OXR1: variants seen among roughly 807,000 people sequenced by gnomAD.
OXR1 encodes oxidation resistance 1.
Under a neutral mutation model 104.6 loss-of-function variants are expected in OXR1, and 41 were observed. The observed-to-expected ratio is 0.39, with a 90% CI of 0.31 to 0.51. OXR1 has a LOEUF of 0.51. Among genes scored for constraint, OXR1 ranks in the 20% least tolerant of loss-of-function variants. OXR1 has a pLI of 0.77. For synonymous variants in OXR1, 348 were observed against 348.4 expected (o/e 1.00, Z 0.01); for missense variants, 955 against 1,031.9 (o/e 0.93, Z 1.02).
At chr8:106,406,261 A>G (rs914982974) in intron 2 of OXR1, among the ~76,000 whole-genome samples, 1 of 152,206 alleles carries the variant, frequency 6.6e-6, no homozygotes, top group Non-Finnish European at 1.5e-5. Flanking sequence ...TTGATTCAGA[A>G]ACATGTAAAT....
chr8:106,718,789 A>C (rs555466478), intron 11 of OXR1, among the ~76,000 whole-genome samples: 1 of 151,732 alleles, frequency 6.6e-6, no homozygotes, highest in South Asian at 2.1e-4. Context: ...CAGTGAGCCA[A>C]GATCATGCCA....
intron 1 of OXR1, among the ~76,000 whole-genome samples, chr8:106,333,103 A>T (rs1814790194): frequency 6.6e-6 from 1 of 152,044 alleles, no homozygotes; most frequent in African/African-American, 2.4e-5. Flanking sequence ...TTCTATCAAC[A>T]TTCATGTATA....
At chr8:106,425,575 G>A (rs1489506064) in intron 2 of OXR1, among the ~76,000 whole-genome samples, 1 of 152,118 alleles carries the variant, frequency 6.6e-6, no homozygotes, top group Admixed American at 6.6e-5. Flanking sequence ...CAACGTCTGG[G>A]ATGGTAAAAG....
chr8:106,589,959 GC>G (rs772737482), intron 3 of OXR1, among the ~76,000 whole-genome samples: 1 of 152,132 alleles, frequency 6.6e-6, no homozygotes, highest in Non-Finnish European at 1.5e-5. Context: ...GAACCACCAT[GC>G]CCGGCCAGCT....
chr8:106,413,149 T>A (rs1009920046), intron 2 of OXR1, among the ~76,000 whole-genome samples: 3 of 147,246 alleles, frequency 2.0e-5, no homozygotes, highest in Non-Finnish European at 4.4e-5. Context: ...AAAAAAAAAA[T>A]ATATATAGCA....
intron 2 of OXR1, among the ~76,000 whole-genome samples, chr8:106,441,063 A>G (rs1014854769): frequency 2.0e-5 from 3 of 152,146 alleles, no homozygotes; most frequent in African/African-American, 7.2e-5. Flanking sequence ...TTTTACATTT[A>G]AGTCTTTAAT....
chr8:106,330,879 G>C (rs1041852848), intron 1 of OXR1, among the ~76,000 whole-genome samples: 1 of 152,154 alleles, frequency 6.6e-6, no homozygotes, highest in African/African-American at 2.4e-5. Context: ...TTGTTAATTG[G>C]CAACTTCTTC....
intron 2 of OXR1, among the ~76,000 whole-genome samples, chr8:106,413,428 T>C (rs1209016033): frequency 6.6e-6 from 1 of 152,138 alleles, no homozygotes; most frequent in Non-Finnish European, 1.5e-5. Context: ...TTGAGCTTCT[T>C]CTTAAGACTC....
intron 1 of OXR1, among the ~76,000 whole-genome samples, chr8:106,325,325 A>G (rs181082730): frequency 6.6e-6 from 1 of 152,348 alleles, no homozygotes. Context: ...AATAATCTGC[A>G]TGTGTTCTCC....
chr8:106,582,352 A>G (rs1326506502), intron 3 of OXR1, among the ~76,000 whole-genome samples: 1 of 151,994 alleles, frequency 6.6e-6, no homozygotes, highest in East Asian at 1.9e-4. Flanking sequence ...AGAATAAACT[A>G]AAAACAAAGC....
rs185139388 is a variant in OXR1, at chr8:106,414,886, G to A, written c.23+55250G>A. 3.0e-4 allele frequency among the ~76,000 whole-genome samples: 45 copies of A among 152,222 alleles called. No homozygotes were observed. The East Asian group carries it at 8.3e-3, about 28-fold the overall frequency. On this transcript the variant is annotated intron_variant, in intron 2 of 16. Transcript: ENST00000517566. ...GCTACTGAGGGTTTTGTGTGGAGGA[G>A]CAATATGATTATAGCTGACAGCAGT...
intron 1 of OXR1, among the ~76,000 whole-genome samples, chr8:106,300,525 C>G (rs556164460): frequency 6.6e-6 from 1 of 151,486 alleles, no homozygotes; most frequent in South Asian, 2.1e-4. Flanking sequence ...CTACAGTTAA[C>G]GTGTTTACAA....
chr8:106,618,018 G>C, intron 3 of OXR1: 1 of 1,506,018 alleles, frequency 6.6e-7, no homozygotes, highest in Non-Finnish European at 8.8e-7. Context: ...GCCACCAGGG[G>C]TCAGGGACCG....
At chr8:106,600,591 A>G in intron 3 of OXR1, among the ~76,000 whole-genome samples, 1 of 152,286 alleles carries the variant, frequency 6.6e-6, no homozygotes, top group South Asian at 2.1e-4. Flanking sequence ...GATTGCTCTG[A>G]CCAACAAGGA....
At chr8:106,537,085 G>A (rs1814593161) in intron 3 of OXR1, among the ~76,000 whole-genome samples, 1 of 152,062 alleles carries the variant, frequency 6.6e-6, no homozygotes, top group Non-Finnish European at 1.5e-5. Flanking sequence ...CTGGTTTGCA[G>A]ATGGCCATCT....
chr8:106,283,637 T>C (rs1330370956), intron 1 of OXR1, among the ~76,000 whole-genome samples: 2 of 152,216 alleles, frequency 1.3e-5, no homozygotes, highest in African/African-American at 4.8e-5. Context: ...GGCCTCCCCC[T>C]GAGGAGTAGG....
chr8:106,609,336 G>A (rs1820640759), intron 3 of OXR1, among the ~76,000 whole-genome samples: 2 of 152,088 alleles, frequency 1.3e-5, no homozygotes, highest in Admixed American at 6.6e-5. Context: ...AAGCATCAAA[G>A]CAAGTGCTAT....
At chr8:106,381,176 TAA>T (rs1465090601) in intron 2 of OXR1, among the ~76,000 whole-genome samples, 1 of 152,302 alleles carries the variant, frequency 6.6e-6, no homozygotes, top group East Asian at 1.9e-4. Context: ...GAACTAAATA[TAA>T]GTTATTCAAC....
intron 2 of OXR1, among the ~76,000 whole-genome samples, chr8:106,448,376 G>A (rs920897308): frequency 6.6e-6 from 1 of 151,936 alleles, no homozygotes; most frequent in African/African-American, 2.4e-5. Context: ...ATTTCAGCTC[G>A]GCACCACCTA....
Sources: gnomAD v4.1 joint callset for allele counts (sites outside exome capture counted in the v4.1 genomes callset) on GRCh38, gnomAD v4.1.1 for gene constraint, MANE v1.5 for transcripts, NCBI Gene and HGNC (gene_info 2026-07-23, HGNC 2026-07-21) for gene names.